The following FBXL7 variants were observed in gnomAD, a reference collection of about 807,000 sequenced individuals.
FBXL7 encodes the protein F-box and leucine rich repeat protein 7.
Under a neutral mutation model 38.3 loss-of-function variants are expected in FBXL7, and 12 were observed. The ratio of observed to expected loss-of-function variants is 0.31; its 90% CI spans 0.20 to 0.51. The LOEUF is 0.51. FBXL7 is among the 20% of genes least tolerant of loss of function. The pLI is 0.98. For missense variants in FBXL7, 567 were observed against 676.4 expected (o/e 0.84, Z 1.79); for synonymous variants, 297 against 300.9 (o/e 0.99, Z 0.13).
intron 1 of FBXL7, among the ~76,000 whole-genome samples, chr5:15,539,257 T>C (rs575582672): frequency 1.5e-4 from 23 of 152,340 alleles, no homozygotes; most frequent in Admixed American, 1.4e-3. Context: ...CTCCGATGGC[T>C]GCAGGAATGA....
In FBXL7 at chr5:15,519,453, AAAAC is replaced by A. The variant is rs764076171; in HGVS notation, c.37+18756_37+18759del. Among the ~76,000 whole-genome samples, 1,428 of 146,328 alleles carry A rather than the reference AAAAC, an allele frequency of 9.8e-3. 6 individuals carry two copies. Among genetic ancestry groups the A allele is most frequent in the African/African-American group, 0.017 (602 of 36,156 alleles). On this transcript the variant is annotated intron_variant, in intron 1 of 3. Coordinates refer to ENST00000504595, the MANE Select transcript of FBXL7 (RefSeq NM_012304.5). ...CCAGAGACTTAGAAAACAAAAAAAA[AAAAC>A]AAACAAACAAACAAAAAAAACTTGT...
chr5:15,863,611 A>G (rs540028736), intron 2 of FBXL7, among the ~76,000 whole-genome samples: 34 of 152,302 alleles, frequency 2.2e-4, no homozygotes, highest in African/African-American at 7.7e-4. Flanking sequence ...TGTCACCACC[A>G]AATCTCATGT....
intron 2 of FBXL7, among the ~76,000 whole-genome samples, chr5:15,852,122 A>G (rs1436462853): frequency 6.6e-6 from 1 of 152,140 alleles, no homozygotes. Context: ...ATGCTAGATC[A>G]TAGCTGACTT....
At chr5:15,873,833 A>C (rs1034339035) in intron 2 of FBXL7, among the ~76,000 whole-genome samples, 2 of 152,336 alleles carry the variant, frequency 1.3e-5, no homozygotes, top group Non-Finnish European at 2.9e-5. Flanking sequence ...ATTCTACCAG[A>C]GGTACAAAGA....
intron 1 of FBXL7, among the ~76,000 whole-genome samples, chr5:15,532,229 G>A (rs1403634522): frequency 6.6e-6 from 1 of 152,192 alleles, no homozygotes; most frequent in Admixed American, 6.5e-5. Flanking sequence ...GAAATGGAGA[G>A]CCTTGATTCC....
At chr5:15,842,804 C>T (rs1319332364) in intron 2 of FBXL7, among the ~76,000 whole-genome samples, 1 of 152,176 alleles carries the variant, frequency 6.6e-6, no homozygotes, top group Admixed American at 6.5e-5. Flanking sequence ...ATTTGCCTTC[C>T]ACCATGATTG....
chr5:15,584,232 C>T (rs1580385482), intron 1 of FBXL7, among the ~76,000 whole-genome samples: 1 of 152,170 alleles, frequency 6.6e-6, no homozygotes, highest in African/African-American at 2.4e-5. Flanking sequence ...AAGTCCTTGA[C>T]CTGCTCTGGA....
chr5:15,864,651 A>G (rs566900813), intron 2 of FBXL7, among the ~76,000 whole-genome samples: 6 of 152,310 alleles, frequency 3.9e-5, no homozygotes, highest in African/African-American at 1.4e-4. Flanking sequence ...GAAATCGCTT[A>G]ACACAAGTGT....
intron 2 of FBXL7, among the ~76,000 whole-genome samples, chr5:15,806,109 G>C (rs1397711439): frequency 6.6e-6 from 1 of 152,052 alleles, no homozygotes; most frequent in Non-Finnish European, 1.5e-5. Flanking sequence ...ACTGAAGAAG[G>C]ACAAAATGAC....
At chr5:15,934,493 T>G (rs1742126028) in intron 3 of FBXL7, among the ~76,000 whole-genome samples, 1 of 151,826 alleles carries the variant, frequency 6.6e-6, no homozygotes, top group African/African-American at 2.4e-5. Flanking sequence ...AATTATATAG[T>G]GTGTATATAT....
At chr5:15,607,284 T>A (rs1740057069) in intron 1 of FBXL7, 1 of 152,184 alleles carries the variant, frequency 6.6e-6, no homozygotes, top group South Asian at 2.1e-4. Flanking sequence ...CGTGTACTTG[T>A]GTGTGGATTT....
intron 2 of FBXL7, among the ~76,000 whole-genome samples, chr5:15,640,685 G>A (rs1001341178): frequency 9.2e-5 from 14 of 152,048 alleles, no homozygotes; most frequent in South Asian, 2.1e-4. Flanking sequence ...CACCACACCC[G>A]GCTAATTTTT....
At chr5:15,632,895 G>A (rs963862457) in intron 2 of FBXL7, among the ~76,000 whole-genome samples, 2 of 152,114 alleles carry the variant, frequency 1.3e-5, no homozygotes, top group Admixed American at 1.3e-4. Context: ...GAGAAACTTT[G>A]AGGTACTATG....
At chr5:15,850,144 C>A (rs761212196) in intron 2 of FBXL7, among the ~76,000 whole-genome samples, 1 of 152,140 alleles carries the variant, frequency 6.6e-6, no homozygotes, top group African/African-American at 2.4e-5. Context: ...AAATAAATAG[C>A]TATTACTTTT....
At chr5:15,788,459 G>A (rs1737188486) in intron 2 of FBXL7, among the ~76,000 whole-genome samples, 1 of 152,142 alleles carries the variant, frequency 6.6e-6, no homozygotes, top group African/African-American at 2.4e-5. Context: ...GAAGAAAAGG[G>A]AATTGGGAAA....
chr5:15,833,071 A>G (rs1320312963), intron 2 of FBXL7, among the ~76,000 whole-genome samples: 2 of 152,090 alleles, frequency 1.3e-5, no homozygotes, highest in African/African-American at 4.8e-5. Context: ...ATGATTGTGA[A>G]GCCTCCCCAG....
rs141282327 is a variant in FBXL7 at position 15,914,112 on chromosome 5, C to T, written c.128-13778C>T. Among the ~76,000 whole-genome samples the T allele has an allele frequency of 9.7e-3, 1,477 of 152,178 alleles. 20 individuals are homozygous for T. The highest frequency in any genetic ancestry group is 0.032 in the African/African-American group (1,336 of 41,508). ...AGAAATGAGCAGGGGGCCGGGCGGG[C>T]GTGGTGGCTCACGCCTGTAATCCCA... is the stretch of plus-strand genomic sequence containing the variant. On this transcript the variant is annotated intron_variant, in intron 2 of 3. Transcript: ENST00000504595.
intron 2 of FBXL7, among the ~76,000 whole-genome samples, chr5:15,656,043 T>C (rs993238515): frequency 6.6e-6 from 1 of 152,244 alleles, no homozygotes; most frequent in African/African-American, 2.4e-5. Flanking sequence ...TTTAAAATAC[T>C]AAGAACTTTT....
chr5:15,769,370 T>C (rs903963994), intron 2 of FBXL7, among the ~76,000 whole-genome samples: 10 of 152,218 alleles, frequency 6.6e-5, no homozygotes, highest in African/African-American at 1.7e-4. Flanking sequence ...AGGAAAATCC[T>C]CCATAGGAGA....
Sources: allele counts gnomAD v4.1 joint callset (sites outside exome capture counted in the v4.1 genomes callset), GRCh38; gene constraint gnomAD v4.1.1; transcripts MANE v1.5; gene names NCBI Gene and HGNC (gene_info 2026-07-23, HGNC 2026-07-21).